PEAK1: variants seen among roughly 807,000 people sequenced by gnomAD.
The protein encoded by PEAK1 is pseudopodium enriched atypical kinase 1, also known as inactive tyrosine-protein kinase PEAK1.
PEAK1 carries 54 observed loss-of-function variants against 124.7 expected under a neutral mutation model. The observed-to-expected ratio is 0.43, with a 90% CI of 0.35 to 0.54. PEAK1 has a LOEUF of 0.54. PEAK1 is among the 20% of genes least tolerant of loss of function. The pLI is 0.01. For synonymous variants in PEAK1, 719 were observed against 760.0 expected (o/e 0.95, Z 0.89); for missense variants, 2,046 against 2,134.5 (o/e 0.96, Z 0.82).
chr15:77,367,388 T>C (rs750186836), intron 1 of PEAK1, among the ~76,000 whole-genome samples: 17 of 152,310 alleles, frequency 1.1e-4, no homozygotes, highest in East Asian at 1.9e-4. Context: ...TATGAAAGAA[T>C]TGACTGCAAA....
chr15:77,379,678 C>A (rs966480627), intron 1 of PEAK1, among the ~76,000 whole-genome samples: 1 of 152,016 alleles, frequency 6.6e-6, no homozygotes, highest in Non-Finnish European at 1.5e-5. Flanking sequence ...CAATAGGGAC[C>A]CTTAAGAGGA....
chr15:77,380,535 AT>A (rs553801445), intron 1 of PEAK1, among the ~76,000 whole-genome samples: 95 of 152,276 alleles, frequency 6.2e-4, no homozygotes, highest in African/African-American at 2.2e-3. Flanking sequence ...CTAGAATGCA[AT>A]GGCACGATCA....
chr15:77,158,484 A>T lies in PEAK1; in HGVS notation c.3331+19T>A. On this transcript the variant is annotated intron_variant, in intron 8 of 9. Transcript: ENST00000682557. ...AAAAGGCAAAGTTTAAATACTACTT[A>T]TTGGACATTTGCACTTACCTAAGTT... 6.2e-7 allele frequency: 1 copy of T among 1,607,006 alleles called. No individual in the cohort carries two copies. The highest frequency in any genetic ancestry group is 1.3e-5 in the African/African-American group (1 of 74,872).
intron 2 of PEAK1, among the ~76,000 whole-genome samples, chr15:77,363,453 A>C (rs1253207388): frequency 1.3e-5 from 2 of 152,042 alleles, no homozygotes; most frequent in Non-Finnish European, 2.9e-5. Context: ...CTCCACTCTG[A>C]CTCAGTACCT....
rs373269833 is a variant in PEAK1, at chr15:77,196,592, C to T, written c.-114-14552G>A. Reference sequence around the variant, plus strand: ...CAGCAAGGCATACATAAAACATGGGCTTTGGAGAAAAAAGGGTGTTGTGAC... The same window carrying T: ...CAGCAAGGCATACATAAAACATGGGTTTTGGAGAAAAAAGGGTGTTGTGAC... On this transcript the variant is annotated intron_variant, in intron 6 of 9. Transcript: ENST00000682557. 2.4e-4 allele frequency among the ~76,000 whole-genome samples: 37 copies of T among 152,160 alleles called. No homozygotes were observed. The East Asian group carries it at 2.9e-3, about 12-fold the overall frequency.
intron 2 of PEAK1, among the ~76,000 whole-genome samples, chr15:77,321,637 C>T (rs940184210): frequency 6.6e-6 from 1 of 152,166 alleles, no homozygotes; most frequent in African/African-American, 2.4e-5. Flanking sequence ...GCTTCTTTTG[C>T]TGTGCAGAAG....
At chr15:77,414,406 G>A (rs948701026) in intron 1 of PEAK1, among the ~76,000 whole-genome samples, 4 of 144,690 alleles carry the variant, frequency 2.8e-5, no homozygotes, top group Non-Finnish European at 6.0e-5. Context: ...TTTTTTGTAA[G>A]CGACGGGGTT....
chr15:77,314,281 G>C (rs1331519934), intron 2 of PEAK1, among the ~76,000 whole-genome samples: 1 of 151,146 alleles, frequency 6.6e-6, no homozygotes, highest in Non-Finnish European at 1.5e-5. Flanking sequence ...AATGAAAAAA[G>C]TAAAACCTGA....
chr15:77,378,329 A>ATC (rs1017680638), intron 1 of PEAK1, among the ~76,000 whole-genome samples: 4 of 151,952 alleles, frequency 2.6e-5, no homozygotes, highest in Admixed American at 6.6e-5. Context: ...TTGAAAGATC[A>ATC]TCTCTCTCTC....
At chr15:77,319,403 C>T (rs1339532253) in intron 2 of PEAK1, among the ~76,000 whole-genome samples, 1 of 152,098 alleles carries the variant, frequency 6.6e-6, no homozygotes, top group African/African-American at 2.4e-5. Flanking sequence ...ACTGATTATA[C>T]TCATTATCTC....
chr15:77,284,004 C>T lies in PEAK1; in HGVS notation c.-396G>A, dbSNP rs1429243152. 1.0e-6 allele frequency: 1 copy of T among 984,972 alleles called. No homozygotes were observed. Among genetic ancestry groups the T allele is most frequent in the African/African-American group, 1.7e-5 (1 of 57,206 alleles). 61.0% of individuals were successfully genotyped at this position (984,972 alleles called of 1,614,324 possible). On this transcript the variant is annotated 5_prime_UTR_variant, in exon 5 of 10. Coordinates refer to ENST00000682557, the MANE Select transcript of PEAK1 (RefSeq NM_001385026.1). The stretch of plus-strand genomic sequence containing the variant: ...ATTCTCACTTTCTCACAAAATGGTA[C>T]TTCATTGAAGGATGTAATTAGTCTC...
At chr15:77,222,115 A>G (rs2152880175) in intron 6 of PEAK1, among the ~76,000 whole-genome samples, 1 of 152,240 alleles carries the variant, frequency 6.6e-6, no homozygotes. Flanking sequence ...TCTAATGGAC[A>G]TTCAGAAGAA....
At chr15:77,345,471 T>C (rs1283133423) in intron 2 of PEAK1, among the ~76,000 whole-genome samples, 5 of 152,180 alleles carry the variant, frequency 3.3e-5, no homozygotes, top group Admixed American at 1.3e-4. Flanking sequence ...CCAGAGGTTT[T>C]GAAAAGATAA....
At chr15:77,325,752 T>A (rs1464334421) in intron 2 of PEAK1, among the ~76,000 whole-genome samples, 1 of 152,184 alleles carries the variant, frequency 6.6e-6, no homozygotes, top group African/African-American at 2.4e-5. Context: ...GATGATTTTC[T>A]AACTGGGATC....
At chr15:77,171,002 T>C (rs991440979) in intron 7 of PEAK1, among the ~76,000 whole-genome samples, 8 of 152,298 alleles carry the variant, frequency 5.3e-5, no homozygotes, top group African/African-American at 1.9e-4. Context: ...ACTTGCCACA[T>C]AGAAATGGTG....
intron 1 of PEAK1, among the ~76,000 whole-genome samples, chr15:77,406,955 C>T (rs2071875159): frequency 6.6e-6 from 1 of 152,002 alleles, no homozygotes; most frequent in African/African-American, 2.4e-5. Context: ...GAACAGAGAA[C>T]CAAGAAATAA....
chr15:77,247,048 A>AT (rs2060622691), intron 6 of PEAK1, among the ~76,000 whole-genome samples: 1 of 152,100 alleles, frequency 6.6e-6, no homozygotes, highest in African/African-American at 2.4e-5. Context: ...AATATGATAG[A>AT]TTTTTATATA....
intron 1 of PEAK1, among the ~76,000 whole-genome samples, chr15:77,370,018 T>C (rs1307868399): frequency 1.3e-5 from 2 of 152,202 alleles, no homozygotes; most frequent in Non-Finnish European, 2.9e-5. Context: ...AAAAGTGAAG[T>C]GCTGATGACC....
chr15:77,180,131 T>C lies in PEAK1; in HGVS notation c.1796A>G (p.Asn599Ser). Reference sequence around the variant, plus strand: ...TGGAAAAGGTGGCATACCAGCATTGTTATAACTATTAAATTTAATTTCAGA... The same window carrying C: ...TGGAAAAGGTGGCATACCAGCATTGCTATAACTATTAAATTTAATTTCAGA... ...NLSEIKFNSY[N>S]NAGMPPFPII... is the part of the protein sequence containing the mutation. The change falls in exon 7 of 10, where the codon AAC (asparagine) becomes AGC (serine). Residue 599 changes from asparagine to serine, a missense_variant. Physicochemically the swap from Asn to Ser is conservative, Grantham distance 46. Transcript: ENST00000682557. 2 of 1,614,156 alleles carry C rather than the reference T, an allele frequency of 1.2e-6. No homozygotes were observed. Among genetic ancestry groups the C allele is most frequent in the Non-Finnish European group, 1.7e-6 (2 of 1,180,006 alleles).
Sources: allele counts gnomAD v4.1 joint callset (sites outside exome capture counted in the v4.1 genomes callset), GRCh38; gene constraint gnomAD v4.1.1; transcripts MANE v1.5; gene names NCBI Gene and HGNC (gene_info 2026-07-23, HGNC 2026-07-21).